The following ROR2 variants were observed in gnomAD, a reference collection of about 807,000 sequenced individuals.
The protein encoded by ROR2 is ROR family WNT receptor 2.
A neutral mutation model predicts 74.9 loss-of-function variants in ROR2; 33 were observed. The ratio of observed to expected loss-of-function variants is 0.44; its 90% CI spans 0.33 to 0.59. ROR2 has a LOEUF of 0.59. Among genes scored for constraint, ROR2 ranks in the 20% least tolerant of loss-of-function variants. The probability of loss-of-function intolerance (pLI) is 0.02; values close to 1 mark genes in which losing one functional copy is unlikely to be tolerated. For synonymous variants in ROR2, 586 were observed against 558.7 expected (o/e 1.05, Z -0.69); for missense variants, 1,216 against 1,313.8 (o/e 0.93, Z 1.15).
chr9:91,777,867 AG>A (rs781193532), intron 1 of ROR2, among the ~76,000 whole-genome samples: 22 of 152,228 alleles, frequency 1.4e-4, no homozygotes, highest in Non-Finnish European at 2.4e-4. Context: ...AGTAGCAAAA[AG>A]AAAAAAAAAG....
chr9:91,901,191 G>A (rs996363828), intron 1 of ROR2, among the ~76,000 whole-genome samples: 3 of 152,182 alleles, frequency 2.0e-5, no homozygotes, highest in Non-Finnish European at 4.4e-5. Context: ...GGTATACTAT[G>A]TTACATGGTA....
chr9:91,861,399 T>C (rs1829465135), intron 1 of ROR2, among the ~76,000 whole-genome samples: 3 of 152,236 alleles, frequency 2.0e-5, no homozygotes, highest in Admixed American at 2.0e-4. Flanking sequence ...GGTACTAGTA[T>C]AAAATTAACA....
chr9:91,758,512 A>G (rs1399089348), intron 2 of ROR2, among the ~76,000 whole-genome samples: 1 of 152,232 alleles, frequency 6.6e-6, no homozygotes, highest in Non-Finnish European at 1.5e-5. Flanking sequence ...AGAAGTTACA[A>G]TGCTGATGAG....
intron 1 of ROR2, among the ~76,000 whole-genome samples, chr9:91,783,845 C>T (rs911782205): frequency 2.6e-5 from 4 of 152,154 alleles, no homozygotes; most frequent in African/African-American, 9.7e-5. Flanking sequence ...CTCACAACCT[C>T]CCCACTCCAC....
intron 1 of ROR2, among the ~76,000 whole-genome samples, chr9:91,906,285 G>A (rs1830815956): frequency 6.6e-6 from 1 of 152,206 alleles, no homozygotes; most frequent in Non-Finnish European, 1.5e-5. Context: ...TACCTGGAAT[G>A]ACAAACTGCC....
chr9:91,867,066 C>T (rs1829655137), intron 1 of ROR2, among the ~76,000 whole-genome samples: 1 of 152,190 alleles, frequency 6.6e-6, no homozygotes, highest in African/African-American at 2.4e-5. Flanking sequence ...CCACATCTCC[C>T]ATGAATGGAG....
At chr9:91,756,227 G>T in intron 3 of ROR2, 126 bp from the exon 4 acceptor site, 1 of 859,384 alleles carries the variant, frequency 1.2e-6, no homozygotes, top group Non-Finnish European at 2.0e-6. Context: ...CTGTCCTCGG[G>T]CCTCAGGCTC....
intron 1 of ROR2, among the ~76,000 whole-genome samples, chr9:91,834,643 C>G (rs555744285): frequency 6.6e-6 from 1 of 152,306 alleles, no homozygotes; most frequent in African/African-American, 2.4e-5. Context: ...ACCCATCTAT[C>G]AAAACACTTA....
At chr9:91,863,206 T>C (rs964755905) in intron 1 of ROR2, among the ~76,000 whole-genome samples, 1 of 152,220 alleles carries the variant, frequency 6.6e-6, no homozygotes, top group Non-Finnish European at 1.5e-5. Context: ...ATTTTTCTTC[T>C]GTGGAGACAG....
chr9:91,750,154 G>A (rs967027580), intron 4 of ROR2, among the ~76,000 whole-genome samples: 3 of 152,174 alleles, frequency 2.0e-5, no homozygotes, highest in African/African-American at 7.2e-5. Flanking sequence ...CACCCGCCTT[G>A]GCCTCCCAAA....
chr9:91,757,695 G>A lies in ROR2; in HGVS notation c.176-136C>T, dbSNP rs1564255788. 9 of 892,674 alleles carry A rather than the reference G, an allele frequency of 1.0e-5. 1 individual carries two copies. Among genetic ancestry groups the A allele is most frequent in the Middle Eastern group, 3.3e-4 (1 of 2,988 alleles). The allele number at this position is 892,674 out of a possible 1,614,324, so 55.3% of individuals were successfully genotyped here. ...CCTACTAAAATAGGTTGTTATCTGC[G>A]GTAATTATCTTCTAGAAAGCTACAG... is the stretch of plus-strand genomic sequence containing the variant. On this transcript the variant is annotated intron_variant, in intron 2 of 8. Transcript: ENST00000375708.
At chr9:91,916,507 C>T (rs1831139957) in intron 1 of ROR2, among the ~76,000 whole-genome samples, 1 of 152,220 alleles carries the variant, frequency 6.6e-6, no homozygotes, top group Non-Finnish European at 1.5e-5. Flanking sequence ...TCCCTCTTCC[C>T]CACCTGGCAA....
chr9:91,785,222 C>A (rs1263054909), intron 1 of ROR2, among the ~76,000 whole-genome samples: 1 of 152,214 alleles, frequency 6.6e-6, no homozygotes, highest in Non-Finnish European at 1.5e-5. Flanking sequence ...GAAAATGCTT[C>A]CCCATATGTG....
At chr9:91,757,616 C>T in intron 2 of ROR2, 57 bp from the exon 3 acceptor site, 2 of 1,580,442 alleles carry the variant, frequency 1.3e-6, no homozygotes, top group South Asian at 1.1e-5. Context: ...GAAGGAAGGG[C>T]TACCTGGGGG....
chr9:91,771,722 T>TTCTCTC (rs34716594), intron 2 of ROR2, among the ~76,000 whole-genome samples: 9,597 of 150,830 alleles, frequency 0.064, 428 homozygotes, highest in East Asian at 0.13. Flanking sequence ...CCTCTCTCTC[T>TTCTCTC]TCTCTCTCTC....
At chr9:91,927,466 GCCACCTCCATGCC>G (rs1831435177) in intron 1 of ROR2, among the ~76,000 whole-genome samples, 1 of 152,030 alleles carries the variant, frequency 6.6e-6, no homozygotes. Flanking sequence ...AAGTCCGAGG[GCCACCTCCATGCC>G]CCACCTCCAT....
At chr9:91,798,951 A>C (rs1028935917) in intron 1 of ROR2, among the ~76,000 whole-genome samples, 2 of 152,114 alleles carry the variant, frequency 1.3e-5, no homozygotes, top group African/African-American at 2.4e-5. Context: ...AAGTGCCTTC[A>C]CAGAGAAAGA....
At chr9:91,942,144 C>T (rs1312123054) in intron 1 of ROR2, among the ~76,000 whole-genome samples, 5 of 152,114 alleles carry the variant, frequency 3.3e-5, no homozygotes, top group Non-Finnish European at 5.9e-5. Flanking sequence ...CTCATGTCCT[C>T]GACAATTTTT....
chr9:91,912,870 T>G (rs553211944), intron 1 of ROR2, among the ~76,000 whole-genome samples: 2 of 152,390 alleles, frequency 1.3e-5, no homozygotes, highest in African/African-American at 4.8e-5. Flanking sequence ...GGCTCACGCC[T>G]GTAATCCCAG....
Sources: allele counts gnomAD v4.1 joint callset (sites outside exome capture counted in the v4.1 genomes callset), GRCh38; gene constraint gnomAD v4.1.1; transcripts MANE v1.5; gene names NCBI Gene and HGNC (gene_info 2026-07-23, HGNC 2026-07-21).